The following ELOVL6 variants were observed in gnomAD, a reference collection of about 807,000 sequenced individuals.
The protein encoded by ELOVL6 is very long chain fatty acid elongase 6.
A neutral mutation model predicts 31.7 loss-of-function variants in ELOVL6; 8 were observed. The ratio of observed to expected loss-of-function variants is 0.25; its 90% CI spans 0.15 to 0.45. ELOVL6 has a LOEUF of 0.45. ELOVL6 is among the 20% of genes least tolerant of loss of function. ELOVL6 has a pLI of 1.00. For synonymous variants in ELOVL6, 101 were observed against 117.7 expected, an observed-to-expected ratio of 0.86 and a Z score of 0.92; for missense variants, 126 against 326.4, an observed-to-expected ratio of 0.39 and a Z score of 4.73.
rs531011699 is a variant in ELOVL6, at chr4:110,141,450, C to A, written c.90-35822G>T. ...ATACCTACAATGCACCTGAAAAATGCAACTGAAACAGTAGTTCCCTGGGAC... is the reference window on the plus strand; with the variant it reads ...ATACCTACAATGCACCTGAAAAATGAAACTGAAACAGTAGTTCCCTGGGAC... On this transcript the variant is annotated intron_variant, in intron 1 of 3. Coordinates refer to ENST00000302274, the MANE Select transcript of ELOVL6 (RefSeq NM_024090.3). Among the ~76,000 whole-genome samples, 4 of 152,074 alleles carry A rather than the reference C, an allele frequency of 2.6e-5. No homozygotes were observed. In the South Asian group the frequency reaches 8.3e-4, roughly 32 times the overall value.
At chr4:110,084,194 T>TGTTA (rs1491255162) in intron 2 of ELOVL6, among the ~76,000 whole-genome samples, 5 of 76,094 alleles carry the variant, frequency 6.6e-5, no homozygotes, top group Non-Finnish European at 7.0e-5. Context: ...AACATATAAC[T>TGTTA]TATATGATAT....
chr4:110,084,470 A>ACATATCTCATATATGATATATC (rs1560815522), intron 2 of ELOVL6, among the ~76,000 whole-genome samples: 1 of 19,290 alleles, frequency 5.2e-5, no homozygotes, highest in Non-Finnish European at 1.2e-4. Context: ...TATGATATAT[A>ACATATCTCATATATGATATATC]ACAATATACA....
At chr4:110,089,296 A>G (rs139931465) in intron 2 of ELOVL6, among the ~76,000 whole-genome samples, 12 of 152,308 alleles carry the variant, frequency 7.9e-5, no homozygotes, top group Admixed American at 7.8e-4. Flanking sequence ...CAAACAACAT[A>G]GGTTTGAACC....
chr4:110,076,264 T>C (rs367900332), intron 2 of ELOVL6, among the ~76,000 whole-genome samples: 2 of 152,224 alleles, frequency 1.3e-5, no homozygotes, highest in East Asian at 3.8e-4. Flanking sequence ...TTAGTGCAAG[T>C]GTTCTTCAGA....
rs183604138 is a variant in ELOVL6, at chr4:110,098,684, A to T, written c.221+6813T>A. 3.2e-4 allele frequency among the ~76,000 whole-genome samples: 48 copies of T among 152,220 alleles called. 1 individual carries two copies. The East Asian group carries it at 4.8e-3, about 15-fold the overall frequency. ...TTAACGAGTTTTTAAAATTTTCATAAATGATTTTACACTTCCAGGATTATT... is the reference window on the plus strand; with the variant it reads ...TTAACGAGTTTTTAAAATTTTCATATATGATTTTACACTTCCAGGATTATT... On this transcript the variant is annotated intron_variant, in intron 2 of 3. Coordinates refer to ENST00000302274, the MANE Select transcript of ELOVL6 (RefSeq NM_024090.3).
intron 2 of ELOVL6, among the ~76,000 whole-genome samples, chr4:110,098,074 T>C (rs967863701): frequency 6.6e-6 from 1 of 152,188 alleles, no homozygotes; most frequent in African/African-American, 2.4e-5. Context: ...CTGCATCGTA[T>C]CTGTCTACAA....
At chr4:110,090,600 C>CTTTTTTGTTTTTTTTGTTTTTTTTTT (rs1553956743) in intron 2 of ELOVL6, among the ~76,000 whole-genome samples, 12 of 103,718 alleles carry the variant, frequency 1.2e-4, no homozygotes, top group African/African-American at 5.1e-4. Context: ...GTTTGACTTT[C>CTTTTTTGTTTTTTTTGTTTTTTTTTT]TTTTTTTTTT....
intron 2 of ELOVL6, among the ~76,000 whole-genome samples, chr4:110,067,733 T>C (rs538886198): frequency 3.9e-5 from 6 of 152,348 alleles, no homozygotes; most frequent in South Asian, 4.1e-4. Flanking sequence ...ACAATATCTA[T>C]GGTATGATCC....
intron 1 of ELOVL6, among the ~76,000 whole-genome samples, chr4:110,109,767 A>C (rs1157160961): frequency 2.0e-5 from 3 of 152,214 alleles, no homozygotes; most frequent in Non-Finnish European, 4.4e-5. Flanking sequence ...CCCAAGAGTC[A>C]AACTAGTTTA....
intron 1 of ELOVL6, among the ~76,000 whole-genome samples, chr4:110,172,654 C>CGT (rs1560856631): frequency 4.6e-5 from 7 of 152,132 alleles, no homozygotes; most frequent in Non-Finnish European, 1.5e-5. Context: ...AGTGAATACC[C>CGT]TTCTTCTTAA....
chr4:110,155,549 G>A (rs1228602850), intron 1 of ELOVL6, among the ~76,000 whole-genome samples: 6 of 151,982 alleles, frequency 3.9e-5, no homozygotes, highest in East Asian at 1.9e-4. Flanking sequence ...TTATCTATGC[G>A]ATTGAGCTTT....
At chr4:110,194,499 A>C (rs1759715360) in intron 1 of ELOVL6, among the ~76,000 whole-genome samples, 1 of 152,236 alleles carries the variant, frequency 6.6e-6, no homozygotes, top group African/African-American at 2.4e-5. Flanking sequence ...TTTTGCTAGC[A>C]AAGTAAAAAA....
chr4:110,066,345 T>C (rs974265766), intron 2 of ELOVL6, among the ~76,000 whole-genome samples: 1 of 152,002 alleles, frequency 6.6e-6, no homozygotes, highest in Non-Finnish European at 1.5e-5. Context: ...TGCAGAATTA[T>C]GGCATCTCAG....
intron 2 of ELOVL6, among the ~76,000 whole-genome samples, chr4:110,061,950 C>CA (rs1292991216): frequency 2.6e-5 from 4 of 152,192 alleles, no homozygotes; most frequent in Non-Finnish European, 4.4e-5. Context: ...TTTTGGGTCT[C>CA]AAAAAATCAT....
intron 1 of ELOVL6, chr4:110,146,412 C>T (rs1758112006): frequency 6.6e-6 from 1 of 152,258 alleles, no homozygotes; most frequent in African/African-American, 2.4e-5. Context: ...CAGAAAAAAT[C>T]ATGCAAATCA....
intron 2 of ELOVL6, among the ~76,000 whole-genome samples, chr4:110,083,730 C>T (rs1277821107): frequency 2.0e-5 from 3 of 150,592 alleles, no homozygotes; most frequent in Non-Finnish European, 4.4e-5. Flanking sequence ...TAGTCAGGCA[C>T]TTAAAAATAT....
chr4:110,079,804 T>C (rs1390307526), intron 2 of ELOVL6, among the ~76,000 whole-genome samples: 4 of 152,074 alleles, frequency 2.6e-5, no homozygotes, highest in South Asian at 2.1e-4. Context: ...ATCCAGGAGC[T>C]GGTTTTTTGA....
chr4:110,128,628 A>C (rs1052062248), intron 1 of ELOVL6, among the ~76,000 whole-genome samples: 1 of 152,194 alleles, frequency 6.6e-6, no homozygotes, highest in African/African-American at 2.4e-5. Flanking sequence ...AATGTTTTAC[A>C]CATATGGGTG....
chr4:110,184,446 A>G (rs929720531), intron 1 of ELOVL6, among the ~76,000 whole-genome samples: 3 of 152,210 alleles, frequency 2.0e-5, no homozygotes, highest in Non-Finnish European at 2.9e-5. Flanking sequence ...TCAAATTTCA[A>G]CTAAGTAGGC....
Sources: gnomAD v4.1 joint callset for allele counts (sites outside exome capture counted in the v4.1 genomes callset) on GRCh38, gnomAD v4.1.1 for gene constraint, MANE v1.5 for transcripts, NCBI Gene and HGNC (gene_info 2026-07-23, HGNC 2026-07-21) for gene names.